Variants in LMLN observed in about 807,000 individuals in gnomAD.
LMLN encodes the protein leishmanolysin like peptidase.
LMLN carries 70 observed loss-of-function variants against 92.3 expected under a neutral mutation model. The observed-to-expected ratio is 0.76, with a 90% CI of 0.63 to 0.92. The LOEUF (loss-of-function observed/expected upper bound fraction) is 0.92. Ranked by LOEUF, LMLN falls within the 40% of genes least tolerant of loss-of-function variation. The pLI, the probability that LMLN is intolerant of heterozygous loss-of-function variation, is 0.00. For synonymous variants in LMLN, 308 were observed against 296.2 expected, an observed-to-expected ratio of 1.04 and a Z score of -0.41; for missense variants, 691 against 814.6, an observed-to-expected ratio of 0.85 and a Z score of 1.85.
At chr3:197,967,896 A>C (rs964927306) in intron 1 of LMLN, among the ~76,000 whole-genome samples, 41 of 152,164 alleles carry the variant, frequency 2.7e-4, no homozygotes, top group Admixed American at 9.8e-4. Flanking sequence ...CCCTACTTGC[A>C]CATCCATTTA....
At chr3:198,018,760 T>C (rs1290506811) in intron 11 of LMLN, among the ~76,000 whole-genome samples, 1 of 152,214 alleles carries the variant, frequency 6.6e-6, no homozygotes, top group Non-Finnish European at 1.5e-5. Flanking sequence ...AATACTGAGA[T>C]TTTATCTATG....
At chr3:197,960,560 C>A in intron 1 of LMLN, 120 bp downstream of exon 1, 1 of 887,862 alleles carries the variant, frequency 1.1e-6, no homozygotes, top group Non-Finnish European at 1.6e-6. Flanking sequence ...GGGGCAGAGC[C>A]TGACTCTTAC....
chr3:197,979,361 TG>T (rs1308219961), intron 5 of LMLN, among the ~76,000 whole-genome samples: 214 of 152,326 alleles, frequency 1.4e-3, no homozygotes, highest in African/African-American at 5.1e-3. Context: ...TTCAAAAAAG[TG>T]ACCATTACAG....
At chr3:197,962,584 C>G (rs913583943) in intron 1 of LMLN, among the ~76,000 whole-genome samples, 1 of 152,188 alleles carries the variant, frequency 6.6e-6, no homozygotes, top group African/African-American at 2.4e-5. Context: ...TTTACACCCC[C>G]ATCAACAAAA....
intron 9 of LMLN, among the ~76,000 whole-genome samples, chr3:197,993,397 CAG>C (rs1721931507): frequency 6.6e-6 from 1 of 151,824 alleles, no homozygotes; most frequent in Non-Finnish European, 1.5e-5. Flanking sequence ...TTAATAAATA[CAG>C]TAAAAGTTGC....
At chr3:197,985,155 G>T (rs1721668295) in intron 7 of LMLN, among the ~76,000 whole-genome samples, 1 of 152,120 alleles carries the variant, frequency 6.6e-6, no homozygotes, top group African/African-American at 2.4e-5. Flanking sequence ...TTTATTGTAA[G>T]CAAGTGTCAG....
intron 15 of LMLN, among the ~76,000 whole-genome samples, chr3:198,037,495 C>T (rs549578543): frequency 6.6e-6 from 1 of 152,296 alleles, no homozygotes; most frequent in Admixed American, 6.5e-5. Context: ...ACTAAAAACA[C>T]AAAAATCAGC....
chr3:198,012,496 G>A (rs1028069208), intron 11 of LMLN, among the ~76,000 whole-genome samples: 1 of 152,004 alleles, frequency 6.6e-6, no homozygotes, highest in Non-Finnish European at 1.5e-5. Context: ...CACCATATCA[G>A]TCTTTGAGTC....
intron 13 of LMLN, among the ~76,000 whole-genome samples, chr3:198,023,461 T>G (rs1304474353): frequency 1.3e-5 from 2 of 152,140 alleles, no homozygotes; most frequent in Non-Finnish European, 2.9e-5. Context: ...AGTGTTGAAA[T>G]TATAGGCTTG....
chr3:198,019,149 T>G lies in LMLN; in HGVS notation c.1233-104T>G. 1 of 1,124,700 alleles carries G rather than the reference T, an allele frequency of 8.9e-7. No individual in the cohort carries two copies. Among genetic ancestry groups the G allele is most frequent in the Non-Finnish European group, 1.3e-6 (1 of 793,720 alleles). 69.7% of individuals were successfully genotyped at this position (1,124,700 alleles called of 1,614,324 possible). On this transcript the variant is annotated intron_variant, in intron 11 of 15. Transcript: ENST00000330198. This position sits in a 1 kb window ranked among gnomAD's most constrained non-coding sequence, Gnocchi z 5.5. Reference sequence around the variant, plus strand: ...AATCCCATTTGTTAATTATGAAGGTTTGTATTTTTAGGCCAGGATCTGGAA... The same window carrying G: ...AATCCCATTTGTTAATTATGAAGGTGTGTATTTTTAGGCCAGGATCTGGAA...
At chr3:197,983,696 TTGATA>T (rs1721621620) in intron 6 of LMLN, among the ~76,000 whole-genome samples, 1 of 152,198 alleles carries the variant, frequency 6.6e-6, no homozygotes, top group Non-Finnish European at 1.5e-5. Flanking sequence ...GGGTATTATA[TTGATA>T]TATTTCAAAA....
chr3:198,012,542 T>A (rs953815653), intron 11 of LMLN, among the ~76,000 whole-genome samples: 6 of 152,038 alleles, frequency 3.9e-5, no homozygotes, highest in African/African-American at 1.5e-4. Flanking sequence ...CTCTCCACCC[T>A]TCAGAGCCCC....
chr3:198,021,888 A>G (rs1411317578), intron 13 of LMLN, among the ~76,000 whole-genome samples: 1 of 152,220 alleles, frequency 6.6e-6, no homozygotes, highest in African/African-American at 2.4e-5. Flanking sequence ...GTATGCATGC[A>G]CACACGCTAT....
chr3:198,019,018 C>G lies in LMLN; in HGVS notation c.1233-235C>G, dbSNP rs2109933193. Among the ~76,000 whole-genome samples, 1 of 152,230 alleles carries G rather than the reference C, an allele frequency of 6.6e-6. No homozygotes were observed. Among genetic ancestry groups the G allele is most frequent in the East Asian group, 1.9e-4 (1 of 5,180 alleles). ...ATTTTGCACAGGAAAATAAGATTGT[C>G]TGGTGAAGGTGGTCAGTTAAACAAA... On this transcript the variant is annotated intron_variant, in intron 11 of 15. Coordinates refer to ENST00000330198, the Ensembl canonical transcript of LMLN. This position sits in a 1 kb window ranked among gnomAD's most constrained non-coding sequence, Gnocchi z 5.5.
intron 14 of LMLN, among the ~76,000 whole-genome samples, chr3:198,032,605 C>A (rs1053863157): frequency 9.9e-5 from 15 of 152,010 alleles, no homozygotes; most frequent in Non-Finnish European, 1.6e-4. Flanking sequence ...ACAGTCATGG[C>A]GGAAGGCAGA....
intron 10 of LMLN, among the ~76,000 whole-genome samples, chr3:197,998,984 T>G (rs1322276249): frequency 2.0e-5 from 3 of 152,212 alleles, no homozygotes; most frequent in Non-Finnish European, 4.4e-5. Flanking sequence ...GCATTTCTGT[T>G]TCCATATAGA....
chr3:198,013,504 T>A (rs1276422555), intron 11 of LMLN, among the ~76,000 whole-genome samples: 31 of 135,726 alleles, frequency 2.3e-4, no homozygotes, highest in African/African-American at 9.5e-4. Flanking sequence ...CTCTCCACCC[T>A]TCAGAGCCTC....
At chr3:198,023,497 CA>C (rs1216353005) in intron 13 of LMLN, among the ~76,000 whole-genome samples, 1 of 152,156 alleles carries the variant, frequency 6.6e-6, no homozygotes, top group Admixed American at 6.6e-5. Context: ...CCCTGAACCC[CA>C]TTTTAGACAC....
At chr3:197,975,906 A>C in intron 3 of LMLN, 123 bp from the exon 4 acceptor site, 1 of 598,898 alleles carries the variant, frequency 1.7e-6, no homozygotes, top group Admixed American at 3.3e-5. Flanking sequence ...ACCTTGACTA[A>C]CTAATATCTG....
Sources: gnomAD v4.1 joint callset for allele counts (sites outside exome capture counted in the v4.1 genomes callset) on GRCh38, gnomAD v4.1.1 for gene constraint, Gnocchi (gnomAD v3.1) non-coding constraint, MANE v1.5 for transcripts, NCBI Gene and HGNC (gene_info 2026-07-23, HGNC 2026-07-21) for gene names.